DSCAM: variants seen among roughly 807,000 people sequenced by gnomAD.
DSCAM encodes the protein DS cell adhesion molecule.
Under a neutral mutation model 217.7 loss-of-function variants are expected in DSCAM, and 47 were observed. The ratio of observed to expected loss-of-function variants is 0.22; its 90% CI spans 0.17 to 0.28. The LOEUF is 0.28. Ranked by LOEUF, DSCAM falls within the 10% of genes least tolerant of loss-of-function variation. DSCAM has a pLI of 1.00. For missense variants in DSCAM, 2,080 were observed against 2,618.3 expected, an observed-to-expected ratio of 0.79 and a Z score of 4.49; for synonymous variants, 1,056 against 1,015.3, an observed-to-expected ratio of 1.04 and a Z score of -0.76.
chr21:40,041,418 C>G (rs2088746940), intron 32 of DSCAM, among the ~76,000 whole-genome samples: 1 of 152,158 alleles, frequency 6.6e-6, no homozygotes, highest in Non-Finnish European at 1.5e-5. Flanking sequence ...AATATCCAAG[C>G]CAACACTAAA....
At chr21:40,446,116 A>G (rs1299960065) in intron 3 of DSCAM, among the ~76,000 whole-genome samples, 1 of 152,224 alleles carries the variant, frequency 6.6e-6, no homozygotes, top group East Asian at 1.9e-4. Flanking sequence ...ACAGACATCA[A>G]GAAGTGATGT....
intron 1 of DSCAM, among the ~76,000 whole-genome samples, chr21:40,841,034 T>A (rs1287241151): frequency 6.6e-6 from 1 of 152,160 alleles, no homozygotes; most frequent in African/African-American, 2.4e-5. Flanking sequence ...GTCTAGCTAG[T>A]GAGAGAGGCA....
chr21:40,201,464 G>A (rs2005934), intron 11 of DSCAM, among the ~76,000 whole-genome samples: 61,143 of 151,438 alleles, frequency 0.4, 12,409 homozygotes, highest in South Asian at 0.43. Flanking sequence ...TTTATTAGAC[G>A]GAGTTTCACT....
chr21:40,109,424 C>G (rs2089865761), intron 20 of DSCAM, among the ~76,000 whole-genome samples: 1 of 152,192 alleles, frequency 6.6e-6, no homozygotes, highest in Non-Finnish European at 1.5e-5. Context: ...TAGAGAAATG[C>G]AAATCAGTGG....
intron 3 of DSCAM, among the ~76,000 whole-genome samples, chr21:40,374,024 A>G (rs1413020107): frequency 6.7e-6 from 1 of 148,224 alleles, no homozygotes; most frequent in Non-Finnish European, 1.5e-5. Flanking sequence ...AATGTATTCT[A>G]TATTTCAAAA....
Position 40,219,134 on chromosome 21 carries a change from T to C in DSCAM, c.2357-29896A>G, listed in dbSNP as rs150701897. On this transcript the variant is annotated intron_variant, in intron 11 of 32. Transcript: ENST00000400454. ...GGTTTGTCATATATAGCTCTTATTA[T>C]TTTAAGGTATGTTCCTTCAATACCT... Among the ~76,000 whole-genome samples the C allele has an allele frequency of 4.1e-3, 619 of 152,330 alleles. 10 individuals are homozygous for C. Among genetic ancestry groups the C allele is most frequent in the African/African-American group, 0.014 (590 of 41,584 alleles).
At chr21:40,560,679 G>A (rs929811196) in intron 3 of DSCAM, among the ~76,000 whole-genome samples, 1 of 152,170 alleles carries the variant, frequency 6.6e-6, no homozygotes, top group African/African-American at 2.4e-5. Flanking sequence ...ACTCACATTA[G>A]CCTACAGTTG....
intron 14 of DSCAM, among the ~76,000 whole-genome samples, chr21:40,180,003 A>T (rs1236273488): frequency 1.3e-5 from 2 of 152,230 alleles, no homozygotes; most frequent in Non-Finnish European, 2.9e-5. Context: ...GGTGGTGCTC[A>T]CCACACAAGT....
In DSCAM at chr21:40,290,980, T is replaced by C. The variant is rs1316407419; in HGVS notation, c.2182+5075A>G. Among the ~76,000 whole-genome samples the C allele has an allele frequency of 3.3e-5, 5 of 152,078 alleles. No homozygotes were observed. The East Asian group carries it at 9.6e-4, about 29-fold the overall frequency. ...ATCAAAATCTAGGATATTTAGAAAATTTATCATTGCTTATATTGGAAATTG... is the reference window on the plus strand; with the variant it reads ...ATCAAAATCTAGGATATTTAGAAAACTTATCATTGCTTATATTGGAAATTG... On this transcript the variant is annotated intron_variant, in intron 10 of 32. Transcript: ENST00000400454.
At chr21:40,277,650 T>C (rs1408779885) in intron 10 of DSCAM, among the ~76,000 whole-genome samples, 1 of 151,056 alleles carries the variant, frequency 6.6e-6, no homozygotes, top group Admixed American at 6.6e-5. Flanking sequence ...TTTTTTTTTT[T>C]TGAGATGTAG....
At chr21:40,841,065 C>T (rs1228920654) in intron 1 of DSCAM, among the ~76,000 whole-genome samples, 5 of 152,202 alleles carry the variant, frequency 3.3e-5, no homozygotes, top group Admixed American at 6.5e-5. Context: ...AAATCAGCAT[C>T]ACCTAAATGC....
At chr21:40,517,657 G>A (rs2076314091) in intron 3 of DSCAM, among the ~76,000 whole-genome samples, 1 of 152,108 alleles carries the variant, frequency 6.6e-6, no homozygotes, top group Admixed American at 6.5e-5. Context: ...CATGAAAACA[G>A]GACAGTGCAT....
At chr21:40,345,332 C>T (rs953677031) in intron 6 of DSCAM, among the ~76,000 whole-genome samples, 1 of 151,962 alleles carries the variant, frequency 6.6e-6, no homozygotes, top group Non-Finnish European at 1.5e-5. Context: ...ATTCTCACTC[C>T]CCATTTTTGG....
At chr21:40,051,626 G>A (rs549488195) in intron 30 of DSCAM, among the ~76,000 whole-genome samples, 4 of 152,112 alleles carry the variant, frequency 2.6e-5, no homozygotes, top group South Asian at 2.1e-4. Flanking sequence ...TGACATCATC[G>A]TTCTATCCCA....
chr21:40,466,267 A>G (rs1174066008), intron 3 of DSCAM, among the ~76,000 whole-genome samples: 1 of 152,190 alleles, frequency 6.6e-6, no homozygotes, highest in African/African-American at 2.4e-5. Flanking sequence ...TCCTGTCTAG[A>G]CCCAAGACCT....
At chr21:40,451,523 T>A (rs1466541401) in intron 3 of DSCAM, among the ~76,000 whole-genome samples, 1 of 152,156 alleles carries the variant, frequency 6.6e-6, no homozygotes, top group Non-Finnish European at 1.5e-5. Context: ...TGTGTGGGGC[T>A]CGTATCATGT....
chr21:40,175,523 C>T (rs975455856), intron 15 of DSCAM, among the ~76,000 whole-genome samples: 1 of 152,000 alleles, frequency 6.6e-6, no homozygotes, highest in Non-Finnish European at 1.5e-5. Flanking sequence ...ATAGATAGTG[C>T]CTTCTTCCCA....
At chr21:40,078,999 G>C in intron 25 of DSCAM, 22 bp from the exon 26 acceptor site, 1 of 1,609,366 alleles carries the variant, frequency 6.2e-7, no homozygotes, top group Non-Finnish European at 8.5e-7. Flanking sequence ...GGCACATGGA[G>C]GTCAGCTCAC....
chr21:40,637,033 CT>C (rs1221345557), intron 3 of DSCAM, among the ~76,000 whole-genome samples: 1 of 142,498 alleles, frequency 7.0e-6, no homozygotes, highest in Non-Finnish European at 1.5e-5. Flanking sequence ...GAAAATCTAC[CT>C]TTGCTAGAAT....
Sources: allele counts gnomAD v4.1 joint callset (sites outside exome capture counted in the v4.1 genomes callset), GRCh38; gene constraint gnomAD v4.1.1; transcripts MANE v1.5; gene names NCBI Gene and HGNC (gene_info 2026-07-23, HGNC 2026-07-21).